The following ERV3-1 variants were observed in gnomAD, a reference collection of about 807,000 sequenced individuals.
ERV3-1 encodes endogenous retrovirus group 3 member 1, envelope.
A neutral mutation model predicts 24.6 loss-of-function variants in ERV3-1; 36 were observed. That is an observed-to-expected ratio of 1.47 (90% CI 1.12 to 1.94). The LOEUF (loss-of-function observed/expected upper bound fraction) is 1.94, where lower values mean the gene tolerates loss of function less well. Ranked by LOEUF, ERV3-1 falls within the 30% of genes most tolerant of loss-of-function variation. The pLI is 0.00. For missense variants in ERV3-1, 578 were observed against 330.9 expected (o/e 1.75, Z -5.79); for synonymous variants, 211 against 122.6 (o/e 1.72, Z -4.76).
chr7:64,995,362 C>T (rs964063214), intron 1 of ERV3-1, among the ~76,000 whole-genome samples: 10 of 152,228 alleles, frequency 6.6e-5, no homozygotes, highest in Non-Finnish European at 2.9e-5. Flanking sequence ...GTCAGGACCC[C>T]TATAGCCATT....
intron 1 of ERV3-1, among the ~76,000 whole-genome samples, chr7:64,996,665 A>G (rs1299441574): frequency 6.6e-6 from 1 of 152,200 alleles, no homozygotes; most frequent in Non-Finnish European, 1.5e-5. Flanking sequence ...GGGGAGATAC[A>G]GGAATTTATG....
rs1400485211 is a variant in ERV3-1 at position 64,991,172 on chromosome 7, C to G, written c.*40G>C. 8.8e-6 allele frequency: 6 copies of G among 681,978 alleles called. No individual in the cohort carries two copies. Among genetic ancestry groups the G allele is most frequent in the Admixed American group, 2.2e-5 (1 of 46,174 alleles). 42.2% of individuals were successfully genotyped at this position (681,978 alleles called of 1,614,324 possible). A position where few individuals can be genotyped will look rare whatever the true frequency, so the allele number is the denominator to read the frequency against. Reference sequence around the variant, plus strand: ...ATTTGTACTAAGGTTTTAAATCCTCCAAGGGATGAGAACCAACCTCTGAAA... The same window carrying G: ...ATTTGTACTAAGGTTTTAAATCCTCGAAGGGATGAGAACCAACCTCTGAAA... On this transcript the variant is annotated 3_prime_UTR_variant, in exon 2 of 2. Coordinates refer to ENST00000394323, the MANE Select transcript of ERV3-1 (RefSeq NM_001007253.4).
At chr7:64,998,264 C>T (rs1786447138) in intron 1 of ERV3-1, among the ~76,000 whole-genome samples, 1 of 152,138 alleles carries the variant, frequency 6.6e-6, no homozygotes, top group Non-Finnish European at 1.5e-5. Context: ...AGGCTTGGCT[C>T]GAGCTATGAG....
At chr7:65,000,380 G>A (rs922805704) in intron 1 of ERV3-1, among the ~76,000 whole-genome samples, 5 of 140,642 alleles carry the variant, frequency 3.6e-5, no homozygotes, top group Admixed American at 1.5e-4. Context: ...CCACCACCAC[G>A]CCTGGCTAAT....
At chr7:65,003,990 A>G (rs1786579751) in intron 1 of ERV3-1, 1 of 151,890 alleles carries the variant, frequency 6.6e-6, no homozygotes, top group Admixed American at 6.6e-5. Context: ...GATTTTCCCT[A>G]TTTTTTTCCT....
At chr7:65,000,623 A>G (rs1786501163) in intron 1 of ERV3-1, among the ~76,000 whole-genome samples, 2 of 152,146 alleles carry the variant, frequency 1.3e-5, no homozygotes, top group South Asian at 4.1e-4. Context: ...TACAAAAAGT[A>G]CAAAAAGAAA....
intron 1 of ERV3-1, among the ~76,000 whole-genome samples, chr7:64,996,995 C>A (rs1285466832): frequency 6.6e-6 from 1 of 152,202 alleles, no homozygotes; most frequent in Non-Finnish European, 1.5e-5. Context: ...TGGCAGTTTT[C>A]CAGTTTTATA....
chr7:64,998,036 TGAG>T (rs1786441812), intron 1 of ERV3-1, among the ~76,000 whole-genome samples: 2 of 152,164 alleles, frequency 1.3e-5, no homozygotes, highest in Non-Finnish European at 2.9e-5. Context: ...CTTGACCTCC[TGAG>T]GTGGGGGCTC....
intron 1 of ERV3-1, among the ~76,000 whole-genome samples, chr7:65,001,413 T>G (rs1212964209): frequency 2.0e-5 from 3 of 152,222 alleles, no homozygotes; most frequent in Non-Finnish European, 4.4e-5. Flanking sequence ...TAGACACTTT[T>G]GTGGGTTTTT....
At chr7:65,006,410 C>T in intron 1 of ERV3-1, 131 bp downstream of exon 1, 3 of 1,417,174 alleles carry the variant, frequency 2.1e-6, no homozygotes, top group South Asian at 2.3e-5. Context: ...GGCCGAGCTG[C>T]GCCAAGGAGA....
chr7:65,001,054 G>T (rs957761830), intron 1 of ERV3-1, among the ~76,000 whole-genome samples: 1 of 152,026 alleles, frequency 6.6e-6, no homozygotes. Context: ...AGGGTGAAAG[G>T]ACAAAAAGGA....
chr7:64,994,215 G>A (rs1436643314), intron 1 of ERV3-1, among the ~76,000 whole-genome samples: 1 of 152,274 alleles, frequency 6.6e-6, no homozygotes, highest in Non-Finnish European at 1.5e-5. Context: ...GTTAAATATT[G>A]TTCACAAACA....
At chr7:65,005,052 G>C (rs1786613380) in intron 1 of ERV3-1, 1 of 154,350 alleles carries the variant, frequency 6.5e-6, no homozygotes, top group Non-Finnish European at 1.5e-5. Context: ...TTCTCTAAGG[G>C]TTTGCTTTTC....
chr7:64,991,611 G>A lies in ERV3-1; in HGVS notation c.1416C>T (p.Gly472=). 1.4e-6 allele frequency: 1 copy of A among 704,168 alleles called. No individual in the cohort carries two copies. The highest frequency in any genetic ancestry group is 2.6e-6 in the Non-Finnish European group (1 of 385,028). The allele number at this position is 704,168 out of a possible 1,614,324, so 43.6% of individuals were successfully genotyped here. ...TGTCCTTCCAATCTCCTATAGTTAT[G>A]CCTCTTTTGCTTTTCCTTTTAGTTT... ...YDETKRKSKR[G]ITIGDWKDNE... Residue 472 remains glycine (G), a synonymous_variant, in exon 2 of 2, where the codon GGC becomes GGT. Transcript: ENST00000394323.
chr7:64,993,849 C>T (rs1427944396), intron 1 of ERV3-1, among the ~76,000 whole-genome samples: 1 of 152,190 alleles, frequency 6.6e-6, no homozygotes, highest in African/African-American at 2.4e-5. Context: ...TTTTCCTAAG[C>T]TCTGCAGCCG....
At position 64,991,751 on chromosome 7, in the gene ERV3-1, A is replaced by T. The variant is rs1359330303; in HGVS notation, c.1276T>A (p.Tyr426Asn). 7 of 765,962 alleles carry T rather than the reference A, an allele frequency of 9.1e-6. No homozygotes were observed. In the African/African-American group the frequency reaches 1.2e-4, roughly 13 times the overall value. 47.4% of individuals were successfully genotyped at this position (765,962 alleles called of 1,614,324 possible). ...GLYWICGPQA[Y>N]RQLPAKWSGA... ...GACCATTTAGCTGGCAGTTGTCGATATGCTTGTGGCCCACAGATCCAGTAG... is the reference window on the plus strand; with the variant it reads ...GACCATTTAGCTGGCAGTTGTCGATTTGCTTGTGGCCCACAGATCCAGTAG... The change falls in exon 2 of 2, where the codon TAT becomes AAT. Residue 426 changes from tyrosine (Y) to asparagine (N), a missense_variant. Physicochemically the swap from Tyr to Asn is moderately radical, Grantham distance 143 (BLOSUM62 -2). Coordinates refer to ENST00000394323, the MANE Select transcript of ERV3-1 (RefSeq NM_001007253.4).
chr7:65,006,593 C>A lies in ERV3-1; in HGVS notation c.-441G>T. On this transcript the variant is annotated 5_prime_UTR_variant, in exon 1 of 2. Transcript: ENST00000394323. ...CGTCTTAGCTGTGGATCTCCCAATA[C>A]CTGCAGGTAACGAGGCCACAGAAGC... 1 of 1,572,920 alleles carries A rather than the reference C, an allele frequency of 6.4e-7. No homozygotes were observed. Among genetic ancestry groups the A allele is most frequent in the Non-Finnish European group, 8.7e-7 (1 of 1,144,290 alleles).
chr7:65,001,921 T>C (rs886203342), intron 1 of ERV3-1, among the ~76,000 whole-genome samples: 3 of 152,232 alleles, frequency 2.0e-5, no homozygotes, highest in African/African-American at 7.2e-5. Flanking sequence ...GGTCCATCTA[T>C]GCTTTTGAGC....
chr7:64,991,863 G>A lies in ERV3-1; in HGVS notation c.1164C>T (p.His388=). ...RGKSNNSESP[H]PSPFSRFPSL... is the part of the protein sequence containing the mutation. ...ATGGGAAACGAGAGAATGGGCTTGG[G>A]TGTGGTGATTCAGAATTATTGCTTT... is the stretch of plus-strand genomic sequence containing the variant. The change falls in exon 2 of 2, where the codon CAC becomes CAT. Residue 388 remains histidine (H), a synonymous_variant. Transcript: ENST00000394323. The A allele has an allele frequency of 1.3e-6, 1 of 766,334 alleles. No homozygotes were observed. Among genetic ancestry groups the A allele is most frequent in the Non-Finnish European group, 2.4e-6 (1 of 417,904 alleles). 47.5% of individuals were successfully genotyped at this position (766,334 alleles called of 1,614,324 possible). A position where few individuals can be genotyped will look rare whatever the true frequency, so the allele number is the denominator to read the frequency against.
Sources: gnomAD v4.1 joint callset for allele counts (sites outside exome capture counted in the v4.1 genomes callset) on GRCh38, gnomAD v4.1.1 for gene constraint, MANE v1.5 for transcripts, NCBI Gene and HGNC (gene_info 2026-07-23, HGNC 2026-07-21) for gene names.